CTNND2: variants seen among roughly 807,000 people sequenced by gnomAD.
The protein encoded by CTNND2 is catenin delta 2.
In CTNND2, 22 loss-of-function variants were observed where a neutral mutation model predicts 144.4. The observed-to-expected ratio is 0.15, with a 90% confidence interval of 0.11 to 0.22. The LOEUF (loss-of-function observed/expected upper bound fraction) is 0.22. CTNND2 is among the 10% of genes least tolerant of loss of function. CTNND2 has a pLI of 1.00. For missense variants in CTNND2, 1,353 were observed against 1,618.8 expected, an observed-to-expected ratio of 0.84 and a Z score of 2.82; for synonymous variants, 751 against 695.6, an observed-to-expected ratio of 1.08 and a Z score of -1.25.
intron 7 of CTNND2, among the ~76,000 whole-genome samples, chr5:11,366,056 A>G (rs572870909): frequency 6.6e-6 from 1 of 152,164 alleles, no homozygotes; most frequent in East Asian, 1.9e-4. Context: ...GGACTAACAT[A>G]TCAGGGTGCT....
chr5:11,649,844 C>T (rs529668610), intron 2 of CTNND2, among the ~76,000 whole-genome samples: 1 of 152,272 alleles, frequency 6.6e-6, no homozygotes, highest in African/African-American at 2.4e-5. Flanking sequence ...ATTAATTCTT[C>T]TAAGTCTCAC....
At chr5:11,043,707 A>T (rs555583755) in intron 16 of CTNND2, among the ~76,000 whole-genome samples, 7 of 152,224 alleles carry the variant, frequency 4.6e-5, no homozygotes, top group Non-Finnish European at 7.3e-5. Flanking sequence ...TTTTACAAGC[A>T]ATATTAATAT....
intron 1 of CTNND2, among the ~76,000 whole-genome samples, chr5:11,896,363 C>A (rs1038432235): frequency 1.3e-5 from 2 of 152,144 alleles, no homozygotes; most frequent in Non-Finnish European, 2.9e-5. Context: ...CTGGGGCTTG[C>A]AACCATGCAT....
chr5:11,189,300 C>T (rs931716737), intron 11 of CTNND2, among the ~76,000 whole-genome samples: 1 of 152,190 alleles, frequency 6.6e-6, no homozygotes, highest in African/African-American at 2.4e-5. Flanking sequence ...TGGGTCCTTA[C>T]TCCTTGTATC....
At chr5:11,218,803 G>C (rs1739484660) in intron 10 of CTNND2, among the ~76,000 whole-genome samples, 1 of 152,212 alleles carries the variant, frequency 6.6e-6, no homozygotes, top group South Asian at 2.1e-4. Context: ...GACATCCTTA[G>C]TTAATACAGA....
intron 11 of CTNND2, among the ~76,000 whole-genome samples, chr5:11,182,508 C>T (rs1735188718): frequency 6.6e-6 from 1 of 152,064 alleles, no homozygotes; most frequent in African/African-American, 2.4e-5. Flanking sequence ...CTTCCCCCAT[C>T]CATGTCTAGG....
Position 11,676,209 on chromosome 5 carries a change from C to G in CTNND2, c.174+55927G>C, listed in dbSNP as rs572601290. Among the ~76,000 whole-genome samples the G allele has an allele frequency of 8.5e-5, 13 of 152,214 alleles. No homozygotes were observed. The South Asian group carries it at 2.7e-3, about 32-fold the overall frequency. On this transcript the variant is annotated intron_variant, in intron 2 of 21. Coordinates refer to ENST00000304623, the MANE Select transcript of CTNND2 (RefSeq NM_001332.4). Reference sequence around the variant, plus strand: ...TAGGTATAAAAACAGCTTTACAGAACAGCCTTCCTTCTGAAGAGACAACCA... The same window carrying G: ...TAGGTATAAAAACAGCTTTACAGAAGAGCCTTCCTTCTGAAGAGACAACCA...
intron 3 of CTNND2, among the ~76,000 whole-genome samples, chr5:11,541,838 A>ACCC (rs71595823): frequency 9.3e-5 from 7 of 75,142 alleles, no homozygotes; most frequent in African/African-American, 2.3e-4. Flanking sequence ...TTTATTATCG[A>ACCC]CCCCCCCCCC....
intron 9 of CTNND2, among the ~76,000 whole-genome samples, chr5:11,336,725 C>T (rs1753761964): frequency 6.6e-6 from 1 of 152,162 alleles, no homozygotes; most frequent in African/African-American, 2.4e-5. Flanking sequence ...TATTTATCAT[C>T]TGTATGCCAC....
chr5:11,423,671 CCT>C (rs906097948), intron 3 of CTNND2, among the ~76,000 whole-genome samples: 1 of 152,108 alleles, frequency 6.6e-6, no homozygotes, highest in African/African-American at 2.4e-5. Context: ...TGAACTCACT[CCT>C]CTGTTCCTCT....
chr5:11,522,200 A>G (rs988282479), intron 3 of CTNND2, among the ~76,000 whole-genome samples: 1 of 152,232 alleles, frequency 6.6e-6, no homozygotes, highest in Non-Finnish European at 1.5e-5. Context: ...ATGTGTTAGA[A>G]GAAAGATTGT....
At chr5:11,691,143 G>A (rs567542347) in intron 2 of CTNND2, among the ~76,000 whole-genome samples, 51 of 152,208 alleles carry the variant, frequency 3.4e-4, no homozygotes, top group Admixed American at 3.0e-3. Flanking sequence ...AGGCCGAGGC[G>A]GGTGGATCAC....
chr5:11,861,123 G>A (rs1439721050), intron 1 of CTNND2, among the ~76,000 whole-genome samples: 2 of 152,034 alleles, frequency 1.3e-5, no homozygotes, highest in Non-Finnish European at 2.9e-5. Flanking sequence ...CATTTTTTAC[G>A]TCTGTACTGC....
chr5:11,514,396 G>A (rs550149652), intron 3 of CTNND2, among the ~76,000 whole-genome samples: 3 of 152,240 alleles, frequency 2.0e-5, no homozygotes, highest in African/African-American at 4.8e-5. Flanking sequence ...AGCTAGTTAT[G>A]TTCTTTTCCT....
chr5:11,237,201 A>C (rs1741747415), intron 9 of CTNND2, among the ~76,000 whole-genome samples: 1 of 151,818 alleles, frequency 6.6e-6, no homozygotes, highest in African/African-American at 2.4e-5. Context: ...TTGTATTTTT[A>C]GTAGAGATGC....
intron 2 of CTNND2, among the ~76,000 whole-genome samples, chr5:11,592,423 C>T (rs750305481): frequency 1.3e-5 from 2 of 151,926 alleles, no homozygotes; most frequent in African/African-American, 2.4e-5. Flanking sequence ...TGAGTTTGTG[C>T]TGATTTATTT....
chr5:11,864,026 T>A (rs1320618312), intron 1 of CTNND2, among the ~76,000 whole-genome samples: 1 of 152,148 alleles, frequency 6.6e-6, no homozygotes, highest in East Asian at 1.9e-4. Flanking sequence ...CACTGCTGCA[T>A]CATGAATTGA....
At chr5:11,202,397 T>C (rs948281119) in intron 10 of CTNND2, among the ~76,000 whole-genome samples, 4 of 152,180 alleles carry the variant, frequency 2.6e-5, no homozygotes, top group African/African-American at 9.7e-5. Context: ...TATAGTGAGA[T>C]TTTCAATTTG....
At chr5:11,126,492 A>C (rs1466212079) in intron 12 of CTNND2, among the ~76,000 whole-genome samples, 1 of 152,220 alleles carries the variant, frequency 6.6e-6, no homozygotes, top group African/African-American at 2.4e-5. Flanking sequence ...TCAACAAAGC[A>C]GCCAACCTTG....
Sources: gnomAD v4.1 joint callset for allele counts (sites outside exome capture counted in the v4.1 genomes callset) on GRCh38, gnomAD v4.1.1 for gene constraint, MANE v1.5 for transcripts, NCBI Gene and HGNC (gene_info 2026-07-23, HGNC 2026-07-21) for gene names.